DIPK1A: variants seen among roughly 807,000 people sequenced by gnomAD.
DIPK1A encodes the protein divergent protein kinase domain 1A.
A neutral mutation model predicts 40.8 loss-of-function variants in DIPK1A; 27 were observed. The observed-to-expected ratio is 0.66, with a 90% CI of 0.49 to 0.91. DIPK1A has a LOEUF of 0.91. Among genes scored for constraint, DIPK1A ranks in the 40% least tolerant of loss-of-function variants. The pLI is 0.00. For missense variants in DIPK1A, 412 were observed against 505.7 expected (o/e 0.81, Z 1.78); for synonymous variants, 166 against 171.3 (o/e 0.97, Z 0.24).
rs558204645 is a variant in DIPK1A, at chr1:92,895,905, T to A, written c.55-19475A>T. ...ATCATCAGTGAATTCCCATTCACAA[T>A]TGCTTCAAAGAGAATAAAATACCTA... is the stretch of plus-strand genomic sequence containing the variant. On this transcript the variant is annotated intron_variant, in intron 1 of 4. Coordinates refer to ENST00000370310, the MANE Select transcript of DIPK1A (RefSeq NM_001006605.5). Among the ~76,000 whole-genome samples, 96 of 152,212 alleles carry A rather than the reference T, an allele frequency of 6.3e-4. 1 individual carries two copies. Among genetic ancestry groups the A allele is most frequent in the African/African-American group, 2.2e-3 (91 of 41,468 alleles).
chr1:92,862,214 T>A (rs1647313433), intron 2 of DIPK1A, among the ~76,000 whole-genome samples: 2 of 152,172 alleles, frequency 1.3e-5, no homozygotes, highest in African/African-American at 4.8e-5. Context: ...GAATTAAATA[T>A]CCAAGTGCTC....
intron 1 of DIPK1A, among the ~76,000 whole-genome samples, chr1:92,959,537 T>C (rs1007834232): frequency 1.3e-4 from 19 of 146,396 alleles, no homozygotes; most frequent in Non-Finnish European, 2.7e-4. Flanking sequence ...CCACAAGCTC[T>C]GCCTCCCAAG....
intron 4 of DIPK1A, chr1:92,836,385 C>T: frequency 6.2e-7 from 1 of 1,613,978 alleles, no homozygotes. Flanking sequence ...CTTGTCTATC[C>T]CTCACAGGTA....
chr1:92,902,664 T>C (rs1649466940), intron 1 of DIPK1A, among the ~76,000 whole-genome samples: 1 of 152,172 alleles, frequency 6.6e-6, no homozygotes, highest in African/African-American at 2.4e-5. Flanking sequence ...TGCTAAGATC[T>C]TCTTGCTTAC....
intron 2 of DIPK1A, among the ~76,000 whole-genome samples, chr1:92,851,562 A>AAAAAAC (rs1687826700): frequency 1.1e-5 from 1 of 92,734 alleles, no homozygotes; most frequent in African/African-American, 3.4e-5. Flanking sequence ...AAAAAAAAAA[A>AAAAAAC]CTTCTGGTTT....
intron 1 of DIPK1A, among the ~76,000 whole-genome samples, chr1:92,956,616 T>C (rs1010268820): frequency 6.6e-6 from 1 of 152,216 alleles, no homozygotes; most frequent in Non-Finnish European, 1.5e-5. Context: ...GCAACATTAC[T>C]ACTATTACCA....
At chr1:92,865,852 G>A (rs1484633157) in intron 2 of DIPK1A, among the ~76,000 whole-genome samples, 2 of 152,036 alleles carry the variant, frequency 1.3e-5, no homozygotes, top group East Asian at 3.9e-4. Flanking sequence ...ATGTTGAAAC[G>A]ATATACTTGA....
chr1:92,867,215 C>CTTT (rs5776161), intron 2 of DIPK1A, among the ~76,000 whole-genome samples: 4 of 125,642 alleles, frequency 3.2e-5, no homozygotes, highest in South Asian at 2.7e-4. Context: ...TACTCCAATT[C>CTTT]TTTTTTTTTT....
chr1:92,837,321 C>T (rs1687169593), downstream of DIPK1A: 3 of 804,590 alleles, frequency 3.7e-6, no homozygotes, highest in East Asian at 7.3e-5. Flanking sequence ...ACTGAGCAGT[C>T]AGTAGTTGGT....
chr1:92,931,584 C>T (rs1339034750), intron 1 of DIPK1A: 2 of 143,046 alleles, frequency 1.4e-5, no homozygotes, highest in East Asian at 2.1e-4. Flanking sequence ...AAAAAAAAGA[C>T]ATGGAGAGGA....
In DIPK1A at chr1:92,842,495, A is replaced by G. The variant is rs1355317076; in HGVS notation, c.*888T>C. The G allele has an allele frequency of 1.1e-5, 11 of 979,688 alleles. No homozygotes were observed. Among genetic ancestry groups the G allele is most frequent in the South Asian group, 4.7e-5 (1 of 21,154 alleles). 60.7% of individuals were successfully genotyped at this position (979,688 alleles called of 1,614,324 possible). On this transcript the variant is annotated 3_prime_UTR_variant, in exon 5 of 5. Transcript: ENST00000370310. ...TACATGGGGAAAAAAACATTAGATA[A>G]ATAAATACATTTACATGCCTCTTTA...
chr1:92,879,876 CAAT>C (rs144681697), intron 1 of DIPK1A, among the ~76,000 whole-genome samples: 2,799 of 152,298 alleles, frequency 0.018, 105 homozygotes, highest in African/African-American at 0.063. Context: ...GAACTATTCA[CAAT>C]GACTGCCCAG....
chr1:92,840,246 A>T (rs921782216), downstream of DIPK1A: 1 of 350,202 alleles, frequency 2.9e-6, no homozygotes, highest in Non-Finnish European at 5.4e-6. Context: ...CCTGGGCTGA[A>T]GTGATCCTCC....
chr1:92,922,329 TTTTC>T (rs1036577303), intron 1 of DIPK1A, among the ~76,000 whole-genome samples: 11 of 132,518 alleles, frequency 8.3e-5, no homozygotes, highest in African/African-American at 2.8e-4. Flanking sequence ...GAAATTTTTC[TTTTC>T]TTTTTTTTTT....
intron 1 of DIPK1A, among the ~76,000 whole-genome samples, chr1:92,928,933 G>A (rs1344905773): frequency 6.6e-6 from 1 of 151,924 alleles, no homozygotes; most frequent in Non-Finnish European, 1.5e-5. Context: ...CTGAACTCCA[G>A]CCTGGGCAAC....
chr1:92,872,194 C>T (rs1247404696), intron 2 of DIPK1A, among the ~76,000 whole-genome samples: 1 of 147,610 alleles, frequency 6.8e-6, no homozygotes, highest in Non-Finnish European at 1.5e-5. Context: ...ATTCTTGTGC[C>T]TCAGCCTTCT....
intron 1 of DIPK1A, among the ~76,000 whole-genome samples, chr1:92,898,342 G>A (rs1369659746): frequency 6.6e-6 from 1 of 152,062 alleles, no homozygotes; most frequent in African/African-American, 2.4e-5. Flanking sequence ...TGAACTCAGA[G>A]CAATAACCCA....
downstream of DIPK1A, among the ~76,000 whole-genome samples, chr1:92,839,336 G>A (rs1415561286): frequency 6.6e-6 from 1 of 152,166 alleles, no homozygotes; most frequent in Non-Finnish European, 1.5e-5. Context: ...TCCAGCCTGG[G>A]CAACAGAGCG....
intron 1 of DIPK1A, among the ~76,000 whole-genome samples, chr1:92,943,641 AAGAGT>A (rs573737772): frequency 1.0e-3 from 153 of 152,322 alleles, no homozygotes; most frequent in Middle Eastern, 3.4e-3. Flanking sequence ...ATAGTCCAAC[AAGAGT>A]AAAGTACTCC....
Sources: allele counts gnomAD v4.1 joint callset (sites outside exome capture counted in the v4.1 genomes callset), GRCh38; gene constraint gnomAD v4.1.1; transcripts MANE v1.5; gene names NCBI Gene and HGNC (gene_info 2026-07-23, HGNC 2026-07-21).